Variants in ROBO2 observed in about 807,000 individuals in gnomAD.
The protein encoded by ROBO2 is roundabout homolog 2.
ROBO2 carries 53 observed loss-of-function variants against 160.8 expected under a neutral mutation model. The ratio of observed to expected loss-of-function variants is 0.33; its 90% CI spans 0.26 to 0.41. The LOEUF is 0.41. Ranked by LOEUF, ROBO2 falls within the 10% of genes least tolerant of loss-of-function variation. ROBO2 has a pLI of 1.00. For missense variants in ROBO2, 1,577 were observed against 1,722.4 expected, an observed-to-expected ratio of 0.92 and a Z score of 1.49; for synonymous variants, 664 against 611.7, an observed-to-expected ratio of 1.09 and a Z score of -1.26.
chr3:76,334,961 A>G, intron 2 of ROBO2, among the ~76,000 whole-genome samples: 1 of 152,266 alleles, frequency 6.6e-6, no homozygotes, highest in Admixed American at 6.5e-5. Context: ...TTAAACAAGA[A>G]CATAAAAAAT....
At chr3:77,053,048 T>A (rs916281152) in intron 1 of ROBO2, among the ~76,000 whole-genome samples, 1 of 152,208 alleles carries the variant, frequency 6.6e-6, no homozygotes, top group East Asian at 1.9e-4. Flanking sequence ...ATTATTATAA[T>A]CCTCATGACC....
intron 1 of ROBO2, among the ~76,000 whole-genome samples, chr3:75,927,745 A>T (rs1394280119): frequency 1.3e-5 from 2 of 152,194 alleles, no homozygotes; most frequent in Non-Finnish European, 2.9e-5. Context: ...GATTACTTAG[A>T]CCTCTAATGA....
At chr3:77,551,422 G>T (rs1407010793) in intron 8 of ROBO2, among the ~76,000 whole-genome samples, 1 of 152,016 alleles carries the variant, frequency 6.6e-6, no homozygotes, top group African/African-American at 2.4e-5. Context: ...ACATTCCTAT[G>T]ATTTTAATTA....
intron 24 of ROBO2, among the ~76,000 whole-genome samples, chr3:77,639,668 A>T (rs2095318721): frequency 6.6e-6 from 1 of 152,204 alleles, no homozygotes; most frequent in Admixed American, 6.5e-5. Context: ...AGGCAAGCAA[A>T]CAAGGGCTAG....
chr3:76,043,275 T>C (rs2067334580), intron 2 of ROBO2, among the ~76,000 whole-genome samples: 1 of 151,940 alleles, frequency 6.6e-6, no homozygotes, highest in Non-Finnish European at 1.5e-5. Flanking sequence ...TTTCACATAC[T>C]GTGCCCTGGA....
chr3:76,425,465 T>C (rs1398779853), intron 2 of ROBO2, among the ~76,000 whole-genome samples: 2 of 151,310 alleles, frequency 1.3e-5, no homozygotes, highest in African/African-American at 2.4e-5. Flanking sequence ...TTTCTGGAAC[T>C]TTGAAGATCC....
intron 1 of ROBO2, among the ~76,000 whole-genome samples, chr3:75,923,056 G>A (rs1345959615): frequency 6.6e-6 from 1 of 152,144 alleles, no homozygotes; most frequent in Non-Finnish European, 1.5e-5. Flanking sequence ...CTTACATAAG[G>A]CAAGGGCCTA....
chr3:76,120,961 C>A (rs2070728994), intron 2 of ROBO2, among the ~76,000 whole-genome samples: 1 of 152,110 alleles, frequency 6.6e-6, no homozygotes, highest in African/African-American at 2.4e-5. Context: ...AGATTGATAG[C>A]CACATAATAA....
At chr3:77,477,271 A>G in intron 2 of ROBO2, 143 bp from the exon 3 acceptor site, 1 of 809,958 alleles carries the variant, frequency 1.2e-6, no homozygotes, top group South Asian at 1.4e-5. Flanking sequence ...AGAATATTTT[A>G]AGGTGGATGT....
At chr3:77,564,480 T>C (rs2153663403) in intron 11 of ROBO2, 3 of 455,810 alleles carry the variant, frequency 6.6e-6, no homozygotes, top group African/African-American at 2.0e-5. Context: ...AGTTATAATA[T>C]TGCATGTGGA....
chr3:77,057,609 T>C (rs2065888450), intron 1 of ROBO2, among the ~76,000 whole-genome samples: 1 of 137,768 alleles, frequency 7.3e-6, no homozygotes. Context: ...TCTCGCTCTG[T>C]TGCCAGGCTG....
chr3:75,991,771 C>A (rs949037508), intron 2 of ROBO2, among the ~76,000 whole-genome samples: 1 of 151,974 alleles, frequency 6.6e-6, no homozygotes, highest in Non-Finnish European at 1.5e-5. Context: ...TCCCTAGAGA[C>A]GTGTTGAATG....
chr3:76,952,378 G>T (rs373881521), intron 2 of ROBO2, among the ~76,000 whole-genome samples: 1 of 152,108 alleles, frequency 6.6e-6, no homozygotes, highest in Non-Finnish European at 1.5e-5. Flanking sequence ...CGCCTCCCGG[G>T]TTCAAGTGAT....
At chr3:77,546,646 T>G (rs2092708822) in intron 7 of ROBO2, among the ~76,000 whole-genome samples, 184 bp downstream of exon 8, 1 of 152,142 alleles carries the variant, frequency 6.6e-6, no homozygotes, top group Non-Finnish European at 1.5e-5. Flanking sequence ...CTTTATTTGC[T>G]AGTATTAATC....
intron 2 of ROBO2, among the ~76,000 whole-genome samples, chr3:76,553,275 G>A (rs1475518663): frequency 6.6e-6 from 1 of 152,198 alleles, no homozygotes; most frequent in African/African-American, 2.4e-5. Flanking sequence ...GGAAGACAAG[G>A]AAGGAGCAGA....
At chr3:77,296,078 C>G (rs1303213806) in intron 2 of ROBO2, among the ~76,000 whole-genome samples, 1 of 150,120 alleles carries the variant, frequency 6.7e-6, no homozygotes, top group African/African-American at 2.5e-5. Context: ...CTAGATCACC[C>G]CAGATATGAA....
At chr3:77,404,597 A>C (rs940626570) in intron 2 of ROBO2, among the ~76,000 whole-genome samples, 1 of 152,196 alleles carries the variant, frequency 6.6e-6, no homozygotes, top group African/African-American at 2.4e-5. Context: ...AATATGAAAG[A>C]AGGAAAATTC....
chr3:77,308,434 A>G lies in ROBO2; in HGVS notation c.389-168980A>G, dbSNP rs114336299. On this transcript the variant is annotated intron_variant, in intron 2 of 25. Coordinates refer to ENST00000461745, the Ensembl canonical transcript of ROBO2. ...TTAGTCTAGGTGGGAGAAAGAACCT[A>G]GACTTCCTAAGTGGCCTGGGACTCC... 5.1e-3 allele frequency among the ~76,000 whole-genome samples: 774 copies of G among 152,248 alleles called. 6 individuals carry two copies. The highest frequency in any genetic ancestry group is 0.018 in the African/African-American group (743 of 41,536).
intron 2 of ROBO2, among the ~76,000 whole-genome samples, chr3:76,714,309 A>G (rs541174047): frequency 9.2e-5 from 14 of 152,240 alleles, no homozygotes; most frequent in African/African-American, 3.1e-4. Flanking sequence ...TCCAAGAGTT[A>G]ATTTTTCTAA....
Sources: gnomAD v4.1 joint callset for allele counts (sites outside exome capture counted in the v4.1 genomes callset) on GRCh38, gnomAD v4.1.1 for gene constraint, MANE v1.5 for transcripts, NCBI Gene and HGNC (gene_info 2026-07-23, HGNC 2026-07-21) for gene names.